The following MAPK10 variants were observed in gnomAD, a reference collection of about 807,000 sequenced individuals.
MAPK10 encodes the protein mitogen-activated protein kinase 10, also known as JNK3 alpha protein kinase.
A neutral mutation model predicts 59.3 loss-of-function variants in MAPK10; 25 were observed. The observed-to-expected ratio is 0.42, with a 90% CI of 0.31 to 0.59. MAPK10 has a LOEUF of 0.59. Among genes scored for constraint, MAPK10 ranks in the 20% least tolerant of loss-of-function variants. The pLI is 0.15. For synonymous variants in MAPK10, 190 were observed against 200.5 expected (o/e 0.95, Z 0.44); for missense variants, 351 against 568.9 (o/e 0.62, Z 3.90).
At chr4:86,513,724 T>C (rs1239296608) in intron 1 of MAPK10, among the ~76,000 whole-genome samples, 1 of 152,172 alleles carries the variant, frequency 6.6e-6, no homozygotes, top group African/African-American at 2.4e-5. Flanking sequence ...TACTTTGCAT[T>C]TTCCCTTTTT....
chr4:86,551,681 T>C (rs1020224557), intron 1 of MAPK10, among the ~76,000 whole-genome samples: 1 of 151,994 alleles, frequency 6.6e-6, no homozygotes, highest in African/African-American at 2.4e-5. Context: ...TCTTGGCTCA[T>C]GCAACCTCCA....
chr4:86,173,760 C>T (rs1210705882), intron 3 of MAPK10, among the ~76,000 whole-genome samples: 1 of 152,066 alleles, frequency 6.6e-6, no homozygotes, highest in Non-Finnish European at 1.5e-5. Context: ...CCAGAATTTA[C>T]AAGGAACTTA....
At chr4:86,437,731 C>T (rs981307834) in intron 1 of MAPK10, among the ~76,000 whole-genome samples, 1 of 152,132 alleles carries the variant, frequency 6.6e-6, no homozygotes, top group African/African-American at 2.4e-5. Context: ...CACAATTCTA[C>T]TCCTAGTGAT....
At chr4:86,207,731 G>A (rs535341003) in intron 2 of MAPK10, among the ~76,000 whole-genome samples, 31 of 152,112 alleles carry the variant, frequency 2.0e-4, no homozygotes, top group African/African-American at 6.7e-4. Flanking sequence ...ATTGAGCAGT[G>A]GTTTGTAGTT....
chr4:86,438,690 C>CAAAAAAA (rs201802038), intron 1 of MAPK10, among the ~76,000 whole-genome samples: 1 of 63,026 alleles, frequency 1.6e-5, no homozygotes. Flanking sequence ...AACTCCATCT[C>CAAAAAAA]AAAAAAAAAA....
chr4:86,499,956 G>A (rs1579407441), intron 1 of MAPK10, among the ~76,000 whole-genome samples: 2 of 152,260 alleles, frequency 1.3e-5, no homozygotes, highest in East Asian at 3.9e-4. Flanking sequence ...TGCTATGGAT[G>A]GCGAAGAAAA....
intron 1 of MAPK10, among the ~76,000 whole-genome samples, chr4:86,479,071 T>G (rs535890449): frequency 6.6e-6 from 1 of 152,146 alleles, no homozygotes; most frequent in Non-Finnish European, 1.5e-5. Context: ...TTGGTCTTGG[T>G]AGACACTTTC....
At chr4:86,289,473 T>C (rs1230820590) in intron 2 of MAPK10, among the ~76,000 whole-genome samples, 2 of 151,994 alleles carry the variant, frequency 1.3e-5, no homozygotes, top group Admixed American at 1.3e-4. Context: ...AGACAGTTTC[T>C]ATATTTATGT....
chr4:86,210,890 C>T (rs1256344433), intron 2 of MAPK10, among the ~76,000 whole-genome samples: 1 of 149,648 alleles, frequency 6.7e-6, no homozygotes, highest in African/African-American at 2.5e-5. Flanking sequence ...AAGAAAAATC[C>T]TAAAAAGGAA....
chr4:86,108,361 G>A (rs1458238573), intron 4 of MAPK10, among the ~76,000 whole-genome samples: 1 of 152,104 alleles, frequency 6.6e-6, no homozygotes, highest in Non-Finnish European at 1.5e-5. Context: ...GAAACTTTGA[G>A]TCCTGCTGGG....
chr4:86,106,405 A>T (rs1211076637), intron 5 of MAPK10, among the ~76,000 whole-genome samples: 1 of 149,910 alleles, frequency 6.7e-6, no homozygotes, highest in Non-Finnish European at 1.5e-5. Flanking sequence ...TTTTAAGAAA[A>T]TAAAATTTTA....
At chr4:86,591,961 ATATT>A (rs1266946228) in intron 1 of MAPK10, among the ~76,000 whole-genome samples, 2 of 151,982 alleles carry the variant, frequency 1.3e-5, no homozygotes, top group Admixed American at 1.3e-4. Flanking sequence ...ACATATATAT[ATATT>A]TAAATTATTA....
chr4:86,373,321 G>A (rs1235929334), intron 1 of MAPK10, among the ~76,000 whole-genome samples: 3 of 152,058 alleles, frequency 2.0e-5, no homozygotes, highest in African/African-American at 7.3e-5. Context: ...AGAAAACCTA[G>A]GCAATACCAT....
At chr4:86,469,967 C>T (rs774509373) in intron 1 of MAPK10, among the ~76,000 whole-genome samples, 1 of 152,108 alleles carries the variant, frequency 6.6e-6, no homozygotes, top group African/African-American at 2.4e-5. Flanking sequence ...TCAATCAATC[C>T]AACATAATCT....
intron 4 of MAPK10, among the ~76,000 whole-genome samples, chr4:86,116,611 T>C (rs1384557896): frequency 3.9e-5 from 6 of 152,226 alleles, no homozygotes; most frequent in Admixed American, 6.5e-5. Flanking sequence ...GTGGGGTTTC[T>C]TGGCAGGCAA....
chr4:86,344,243 C>T (rs1478728994), intron 2 of MAPK10, among the ~76,000 whole-genome samples: 2 of 152,142 alleles, frequency 1.3e-5, no homozygotes, highest in Non-Finnish European at 2.9e-5. Context: ...TCTATCCCCT[C>T]AGCTTCCCGA....
At chr4:86,504,616 C>T (rs1755586127) in intron 1 of MAPK10, among the ~76,000 whole-genome samples, 1 of 152,218 alleles carries the variant, frequency 6.6e-6, no homozygotes, top group Non-Finnish European at 1.5e-5. Context: ...AAACCACTGC[C>T]TTTTCATCAA....
At chr4:86,349,780 G>T (rs924211399) in intron 2 of MAPK10, among the ~76,000 whole-genome samples, 1 of 152,156 alleles carries the variant, frequency 6.6e-6, no homozygotes, top group African/African-American at 2.4e-5. Context: ...TGAGTAGTAG[G>T]ACCTCAGATG....
chr4:86,111,571 T>C (rs529272526), intron 4 of MAPK10, among the ~76,000 whole-genome samples: 1 of 152,344 alleles, frequency 6.6e-6, no homozygotes, highest in East Asian at 1.9e-4. Flanking sequence ...ATCCTGGGGA[T>C]GAAGCAAACT....
Sources: allele counts gnomAD v4.1 joint callset (sites outside exome capture counted in the v4.1 genomes callset), GRCh38; gene constraint gnomAD v4.1.1; transcripts MANE v1.5; gene names NCBI Gene and HGNC (gene_info 2026-07-23, HGNC 2026-07-21).